Variants in NF1 observed in about 807,000 individuals in gnomAD.
NF1 encodes the protein neurofibromin.
A neutral mutation model predicts 325.7 loss-of-function variants in NF1; 122 were observed. That is an observed-to-expected ratio of 0.37 (90% confidence interval 0.32 to 0.44). The LOEUF (loss-of-function observed/expected upper bound fraction) is 0.44, where lower values mean the gene tolerates loss of function less well. Among genes scored for constraint, NF1 ranks in the 20% least tolerant of loss-of-function variants. The pLI is 1.00. For synonymous variants in NF1, 1,091 were observed against 1,186.0 expected (o/e 0.92, Z 1.65); for missense variants, 2,140 against 3,415.4 (o/e 0.63, Z 9.31).
At chr17:31,105,770 T>A (rs770089051) in intron 1 of NF1, among the ~76,000 whole-genome samples, 28 of 152,158 alleles carry the variant, frequency 1.8e-4, no homozygotes, top group Non-Finnish European at 3.4e-4. Flanking sequence ...TGCCTTGGCC[T>A]CCCAAAGTGC....
At chr17:31,335,664 C>G (rs1398222163) in intron 40 of NF1, among the ~76,000 whole-genome samples, 1 of 151,332 alleles carries the variant, frequency 6.6e-6, no homozygotes, top group Admixed American at 6.6e-5. Flanking sequence ...CATCCTGGTA[C>G]TTAATGTCAT....
chr17:31,297,672 T>C (rs1477979892), intron 36 of NF1: 1 of 152,196 alleles, frequency 6.6e-6, no homozygotes, highest in African/African-American at 2.4e-5. Flanking sequence ...TTTATATTCC[T>C]TTCTAAAATT....
At chr17:31,352,495 T>A (rs2070175770) in intron 51 of NF1, 81 bp downstream of exon 51, 3 of 1,353,342 alleles carry the variant, frequency 2.2e-6, no homozygotes, top group Non-Finnish European at 3.0e-6. Flanking sequence ...TATTTGAAAT[T>A]TCAGGATTAT....
At chr17:31,243,548 C>T (rs754489575) in intron 29 of NF1, among the ~76,000 whole-genome samples, 5 of 152,004 alleles carry the variant, frequency 3.3e-5, no homozygotes, top group South Asian at 2.1e-4. Flanking sequence ...CCCGCTCTTC[C>T]GTCCTCTTTT....
chr17:31,275,681 G>T (rs2067993601), intron 36 of NF1, among the ~76,000 whole-genome samples: 1 of 152,260 alleles, frequency 6.6e-6, no homozygotes, highest in African/African-American at 2.4e-5. Context: ...ATTCAAAATT[G>T]TGTTGTTTCT....
chr17:31,271,185 A>T (rs564588196), intron 36 of NF1, among the ~76,000 whole-genome samples: 4 of 152,356 alleles, frequency 2.6e-5, no homozygotes, highest in Admixed American at 6.5e-5. Flanking sequence ...GTTATGAGAT[A>T]TATTACTCTG....
At chr17:31,320,486 T>C in intron 36 of NF1, 1 of 1,479,314 alleles carries the variant, frequency 6.8e-7, no homozygotes, top group Non-Finnish European at 9.4e-7. Flanking sequence ...GAAATGGTTG[T>C]TATATGTCAT....
chr17:31,242,489 AT>A (rs2067316917), intron 29 of NF1, among the ~76,000 whole-genome samples: 2 of 151,388 alleles, frequency 1.3e-5, no homozygotes, highest in South Asian at 4.2e-4. Context: ...TTCATTCTTT[AT>A]TCTTGTCTCC....
At chr17:31,315,851 T>C (rs1290903249) in intron 36 of NF1, among the ~76,000 whole-genome samples, 1 of 152,142 alleles carries the variant, frequency 6.6e-6, no homozygotes, top group East Asian at 1.9e-4. Context: ...GCAAAAAGAA[T>C]AGTTTTTTTT....
At chr17:31,284,937 T>A (rs1414216552) in intron 36 of NF1, among the ~76,000 whole-genome samples, 1 of 152,022 alleles carries the variant, frequency 6.6e-6, no homozygotes, top group African/African-American at 2.4e-5. Context: ...CCTGCCAACA[T>A]GGCAAAACCC....
At chr17:31,318,975 A>G (rs768773717) in intron 36 of NF1, 21 of 1,612,274 alleles carry the variant, frequency 1.3e-5, no homozygotes, top group Middle Eastern at 1.6e-4. Context: ...GAAAGGCAAG[A>G]TGTAGGTAAT....
At chr17:31,103,739 G>A (rs1462566804) in intron 1 of NF1, among the ~76,000 whole-genome samples, 1 of 152,082 alleles carries the variant, frequency 6.6e-6, no homozygotes, top group African/African-American at 2.4e-5. Flanking sequence ...GGGGGCTGAG[G>A]TGGGAGGATC....
At chr17:31,135,414 A>G (rs1915692279) in intron 1 of NF1, among the ~76,000 whole-genome samples, 1 of 151,782 alleles carries the variant, frequency 6.6e-6, no homozygotes, top group Non-Finnish European at 1.5e-5. Flanking sequence ...CTGTGCCTGT[A>G]TGCTTTATGT....
chr17:31,185,199 T>C (rs1045400467), intron 8 of NF1, among the ~76,000 whole-genome samples: 4 of 152,154 alleles, frequency 2.6e-5, no homozygotes, highest in African/African-American at 9.7e-5. Context: ...CCAACACCCC[T>C]GTTTGCTTCT....
chr17:31,322,101 AC>A (rs1471028003), intron 36 of NF1, among the ~76,000 whole-genome samples: 1 of 48,862 alleles, frequency 2.0e-5, no homozygotes, highest in African/African-American at 3.6e-5. Context: ...GTATACACAC[AC>A]ACACACACAC....
intron 11 of NF1, among the ~76,000 whole-genome samples, chr17:31,203,653 ATTC>A (rs1160118781): frequency 6.6e-6 from 1 of 152,150 alleles, no homozygotes; most frequent in East Asian, 1.9e-4. Flanking sequence ...ACATGAAATT[ATTC>A]TTAGATATTT....
chr17:31,230,873 G>A lies in NF1; in HGVS notation c.3145G>A (p.Val1049Ile), dbSNP rs1060500343. ...NKMVEYLTDW[V>I]MGTSNQAADD... is the part of the protein sequence containing the mutation. ...GATGGTAGAATACCTGACAGACTGG[G>A]TTATGGGAACATCAAACCAAGCAGC... is the stretch of plus-strand genomic sequence containing the variant. Residue 1049 changes from valine (V) to isoleucine (I), a missense_variant, in exon 24 of 58, where the codon GTT becomes ATT. This residue lies in a region of NF1 where 380 missense variants were observed against 639.3 expected (regional missense o/e 0.59). Transcript: ENST00000358273. 46 of 1,610,930 alleles carry A rather than the reference G, an allele frequency of 2.9e-5. No individual in the cohort carries two copies. Among genetic ancestry groups the A allele is most frequent in the Non-Finnish European group, 3.7e-5 (44 of 1,178,186 alleles).
chr17:31,308,079 T>C lies in NF1; in HGVS notation c.4836-17741T>C, dbSNP rs556910124. 5 of 342,506 alleles carry C rather than the reference T, an allele frequency of 1.5e-5. No homozygotes were observed. In the East Asian group the frequency reaches 3.8e-4, roughly 26 times the overall value. 21.2% of individuals were successfully genotyped at this position (342,506 alleles called of 1,614,324 possible). A position where few individuals can be genotyped will look rare whatever the true frequency, so the allele number is the denominator to read the frequency against. On this transcript the variant is annotated intron_variant, in intron 36 of 57. Transcript: ENST00000358273. The stretch of plus-strand genomic sequence containing the variant: ...CACTGCTGAATTAATCTTAAAAGTG[T>C]GCATGATCAGGTTACTACTGCCTTG...
At chr17:31,349,067 T>C (rs2151572266) in intron 48 of NF1, 53 bp from the exon 49 acceptor site, 3 of 1,544,310 alleles carry the variant, frequency 1.9e-6, no homozygotes, top group Non-Finnish European at 2.6e-6. Context: ...CAGATGCTTG[T>C]TCAAAAAATT....
Sources: gnomAD v4.1 joint callset for allele counts (sites outside exome capture counted in the v4.1 genomes callset) on GRCh38, gnomAD v4.1.1 for gene constraint, gnomAD v4.1.1 regional missense constraint, MANE v1.5 for transcripts, NCBI Gene and HGNC (gene_info 2026-07-23, HGNC 2026-07-21) for gene names.